Variants in FMN2 observed in about 807,000 individuals in gnomAD.
FMN2 encodes formin-2.
In FMN2, 51 loss-of-function variants were observed where a neutral mutation model predicts 142.3. The ratio of observed to expected loss-of-function variants is 0.36; its 90% CI spans 0.29 to 0.45. FMN2 has a LOEUF of 0.45. Ranked by LOEUF, FMN2 falls within the 20% of genes least tolerant of loss-of-function variation. The pLI is 1.00. For synonymous variants in FMN2, 882 were observed against 869.8 expected (o/e 1.01, Z -0.25); for missense variants, 1,936 against 2,122.8 (o/e 0.91, Z 1.73).
At chr1:240,204,850 G>A (rs1277411237) in intron 4 of FMN2, among the ~76,000 whole-genome samples, 1 of 152,102 alleles carries the variant, frequency 6.6e-6, no homozygotes, top group Non-Finnish European at 1.5e-5. Context: ...TGCCTCATTT[G>A]TAGTAAATAC....
At chr1:240,307,604 A>G (rs942152353) in intron 8 of FMN2, among the ~76,000 whole-genome samples, 11 of 152,126 alleles carry the variant, frequency 7.2e-5, no homozygotes, top group African/African-American at 2.7e-4. Flanking sequence ...ATTGATCTGT[A>G]TGTCTATTTT....
At chr1:240,225,131 G>C (rs1370267160) in intron 6 of FMN2, among the ~76,000 whole-genome samples, 1 of 152,082 alleles carries the variant, frequency 6.6e-6, no homozygotes, top group African/African-American at 2.4e-5. Flanking sequence ...CTGACACAGG[G>C]GCAATTCCTA....
intron 13 of FMN2, among the ~76,000 whole-genome samples, chr1:240,347,628 G>T (rs1389442027): frequency 6.6e-6 from 1 of 152,168 alleles, no homozygotes; most frequent in African/African-American, 2.4e-5. Flanking sequence ...GGGTAGGAAT[G>T]ATCCCCTCAC....
chr1:240,286,887 G>A (rs937754458), intron 7 of FMN2, among the ~76,000 whole-genome samples: 1 of 152,106 alleles, frequency 6.6e-6, no homozygotes, highest in South Asian at 2.1e-4. Flanking sequence ...TCTGCTGTTT[G>A]CACAAGCTCT....
intron 15 of FMN2, among the ~76,000 whole-genome samples, chr1:240,423,252 G>A (rs1674834232): frequency 6.6e-6 from 1 of 152,170 alleles, no homozygotes. Flanking sequence ...AGTTCCTATG[G>A]AGGGTGGGGG....
chr1:240,330,954 T>TGTCTA (rs1671353974), intron 11 of FMN2, among the ~76,000 whole-genome samples: 1 of 152,198 alleles, frequency 6.6e-6, no homozygotes, highest in Non-Finnish European at 1.5e-5. Flanking sequence ...TTTTCATTCT[T>TGTCTA]ATGTCTAATG....
rs538920747 is a variant in FMN2, at chr1:240,101,809, A to G, written c.1615+8085A>G. On this transcript the variant is annotated intron_variant, in intron 1 of 17. Coordinates refer to ENST00000319653, the MANE Select transcript of FMN2 (RefSeq NM_020066.5). Reference sequence around the variant, plus strand: ...TTGAACACTGATATAATGATTATGTATGATGGTTGATCGTGTGTTATGAAA... The same window carrying G: ...TTGAACACTGATATAATGATTATGTGTGATGGTTGATCGTGTGTTATGAAA... Among the ~76,000 whole-genome samples the G allele has an allele frequency of 6.0e-5, 9 of 150,470 alleles. No homozygotes were observed. In the South Asian group the frequency reaches 1.3e-3, roughly 21 times the overall value.
Position 240,211,131 on chromosome 1 carries a change from C to A in FMN2, c.3961C>A (p.Pro1321Thr). ...TSLIWEKIEE[P>T]SIDCHEFEEL... ...ACTTATTTGGGAAAAAATTGAAGAG[C>A]CATCCATAGATTGTCATGAATTTGA... The change falls in exon 6 of 18, where the codon CCA becomes ACA. Residue 1321 changes from proline to threonine, a missense_variant. Pro to Thr is a conservative substitution (Grantham distance 38). This residue lies in a region of FMN2 where 259 missense variants were observed against 230.9 expected (regional missense o/e 1.12). Transcript: ENST00000319653. The A allele has an allele frequency of 1.9e-6, 3 of 1,613,136 alleles. No individual in the cohort carries two copies. The highest frequency in any genetic ancestry group is 2.5e-6 in the Non-Finnish European group (3 of 1,179,768).
At chr1:240,167,749 C>G (rs969636043) in intron 2 of FMN2, among the ~76,000 whole-genome samples, 2 of 152,136 alleles carry the variant, frequency 1.3e-5, no homozygotes, top group African/African-American at 4.8e-5. Flanking sequence ...ACCATGTGCA[C>G]TATGATTACA....
chr1:240,367,723 A>G (rs530300114), intron 14 of FMN2, among the ~76,000 whole-genome samples: 44 of 144,440 alleles, frequency 3.0e-4, no homozygotes, highest in Non-Finnish European at 5.2e-4. Flanking sequence ...AGCCGAGATC[A>G]CGCCACTGCA....
chr1:240,203,214 T>A (rs2103376533), intron 4 of FMN2, among the ~76,000 whole-genome samples: 1 of 152,288 alleles, frequency 6.6e-6, no homozygotes, highest in Admixed American at 6.5e-5. Context: ...CCATACAGGA[T>A]GTTAAAAATG....
intron 16 of FMN2, chr1:240,458,634 T>C (rs2103224095): frequency 6.6e-6 from 1 of 152,304 alleles, no homozygotes; most frequent in South Asian, 2.1e-4. Flanking sequence ...TCACTAAGAT[T>C]AAGAAAATAT....
intron 8 of FMN2, among the ~76,000 whole-genome samples, chr1:240,299,154 G>C (rs528837934): frequency 2.6e-5 from 4 of 152,154 alleles, no homozygotes; most frequent in Non-Finnish European, 5.9e-5. Flanking sequence ...TGCCATGTTG[G>C]CTAGGCTGGT....
chr1:240,236,164 T>G (rs1436138536), intron 6 of FMN2, among the ~76,000 whole-genome samples: 1 of 152,106 alleles, frequency 6.6e-6, no homozygotes, highest in Non-Finnish European at 1.5e-5. Context: ...ATTATGGCGT[T>G]TTTTGCATGA....
rs112468008 is a variant in FMN2, at chr1:240,407,391, G to T, written c.4910+14829G>T. On this transcript the variant is annotated intron_variant, in intron 15 of 17. Transcript: ENST00000319653. ...CAACGTCAGGTAATCTGCCCGCCTC[G>T]GCCCCCCAGAGTGCTAGGATTACAG... Among the ~76,000 whole-genome samples, 614 of 152,134 alleles carry T rather than the reference G, an allele frequency of 4.0e-3. 3 individuals are homozygous for T. The highest frequency in any genetic ancestry group is 0.014 in the African/African-American group (591 of 41,526).
intron 16 of FMN2, chr1:240,458,184 G>A (rs1036282261): frequency 6.6e-6 from 1 of 152,188 alleles, no homozygotes; most frequent in Non-Finnish European, 1.5e-5. Context: ...GGGATAAACA[G>A]CGTATGTGTC....
intron 8 of FMN2, among the ~76,000 whole-genome samples, chr1:240,306,040 C>A (rs140550872): frequency 0.011 from 1,602 of 150,964 alleles, 26 homozygotes; most frequent in African/African-American, 0.038. Context: ...ACCTCCACCT[C>A]CTGGGTTCAA....
At chr1:240,211,954 A>G (rs2103404110) in intron 6 of FMN2, among the ~76,000 whole-genome samples, 1 of 152,312 alleles carries the variant, frequency 6.6e-6, no homozygotes, top group East Asian at 1.9e-4. Context: ...TCCAGATAGA[A>G]AGAATTGCTA....
rs575435074 is a variant in FMN2, at chr1:240,208,752, G to A, written c.3920+20G>A. 1.3e-6 allele frequency: 2 copies of A among 1,591,290 alleles called. No homozygotes were observed. The highest frequency in any genetic ancestry group is 2.3e-5 in the East Asian group (1 of 44,440). ...TAAAAGGTAACATGAAAGTGAGCTC[G>A]TCTTTGCACAGTGTGTGTCAGTATT... On this transcript the variant is annotated intron_variant, in intron 5 of 17. Transcript: ENST00000319653.
Sources: gnomAD v4.1 joint callset for allele counts (sites outside exome capture counted in the v4.1 genomes callset) on GRCh38, gnomAD v4.1.1 for gene constraint, gnomAD v4.1.1 regional missense constraint, MANE v1.5 for transcripts, NCBI Gene and HGNC (gene_info 2026-07-23, HGNC 2026-07-21) for gene names.